Variants in PTPRM observed in about 807,000 individuals in gnomAD.
PTPRM encodes the protein protein tyrosine phosphatase receptor type M.
Under a neutral mutation model 186.7 loss-of-function variants are expected in PTPRM, and 47 were observed. That is an observed-to-expected ratio of 0.25 (90% CI 0.20 to 0.32). The LOEUF (loss-of-function observed/expected upper bound fraction) is 0.32, where lower values mean the gene tolerates loss of function less well. Ranked by LOEUF, PTPRM falls within the 10% of genes least tolerant of loss-of-function variation. The probability of loss-of-function intolerance (pLI) is 1.00; values close to 1 mark genes in which losing one functional copy is unlikely to be tolerated. For missense variants in PTPRM, 1,494 were observed against 1,865.0 expected (o/e 0.80, Z 3.66); for synonymous variants, 668 against 674.9 (o/e 0.99, Z 0.16).
At chr18:7,914,137 C>T (rs375399514) in intron 4 of PTPRM, among the ~76,000 whole-genome samples, 18 of 152,016 alleles carry the variant, frequency 1.2e-4, no homozygotes, top group African/African-American at 2.4e-4. Context: ...GAATTGTTTT[C>T]GGAATTATGT....
chr18:7,946,949 T>C, intron 5 of PTPRM: 1 of 456,266 alleles, frequency 2.2e-6, no homozygotes, highest in Non-Finnish European at 4.4e-6. Flanking sequence ...GGGAGCTGAC[T>C]GCCTATGGGA....
intron 7 of PTPRM, among the ~76,000 whole-genome samples, chr18:7,987,323 G>C (rs1312475225): frequency 6.6e-6 from 1 of 152,214 alleles, no homozygotes; most frequent in African/African-American, 2.4e-5. Context: ...GATGATGTTA[G>C]TGGGTTGAAG....
chr18:7,814,739 C>T (rs2044714806), intron 2 of PTPRM: 2 of 152,208 alleles, frequency 1.3e-5, no homozygotes, highest in South Asian at 2.1e-4. Context: ...GGATTTTCCT[C>T]CTCTAGAATG....
chr18:8,270,037 G>C (rs1403160275), intron 19 of PTPRM: 1 of 151,682 alleles, frequency 6.6e-6, no homozygotes, highest in African/African-American at 2.4e-5. Context: ...TGACATTTTC[G>C]ATATGAAACA....
intron 22 of PTPRM, among the ~76,000 whole-genome samples, chr18:8,341,387 A>G (rs1353923251): frequency 6.6e-6 from 1 of 152,210 alleles, no homozygotes; most frequent in Non-Finnish European, 1.5e-5. Flanking sequence ...AAACAGCAGC[A>G]AACGAAGAAG....
intron 14 of PTPRM, among the ~76,000 whole-genome samples, chr18:8,147,127 T>A (rs1600834067): frequency 6.6e-6 from 1 of 152,338 alleles, no homozygotes; most frequent in Non-Finnish European, 1.5e-5. Flanking sequence ...GTCTTGGCTA[T>A]GTGGGCTCTT....
intron 19 of PTPRM, among the ~76,000 whole-genome samples, chr18:8,292,386 G>A (rs549868694): frequency 1.6e-4 from 24 of 152,230 alleles, no homozygotes; most frequent in African/African-American, 5.1e-4. Flanking sequence ...TTTTCTCTCT[G>A]GGCTCCCATA....
chr18:7,770,708 A>G (rs370278868), intron 1 of PTPRM, among the ~76,000 whole-genome samples: 1 of 152,318 alleles, frequency 6.6e-6, no homozygotes, highest in Non-Finnish European at 1.5e-5. Flanking sequence ...ACATTTTGCT[A>G]TTACCTAAAG....
At chr18:8,021,201 ATG>A (rs1415104143) in intron 7 of PTPRM, among the ~76,000 whole-genome samples, 1 of 152,080 alleles carries the variant, frequency 6.6e-6, no homozygotes, top group Non-Finnish European at 1.5e-5. Flanking sequence ...TGAGCCAGGC[ATG>A]TGTTGATATG....
intron 14 of PTPRM, among the ~76,000 whole-genome samples, chr18:8,214,945 G>A (rs373293582): frequency 3.9e-5 from 6 of 152,308 alleles, no homozygotes; most frequent in Admixed American, 1.3e-4. Flanking sequence ...GAGCCACTGC[G>A]CCTGGCCATC....
Position 8,224,873 on chromosome 18 carries a change from A to G in PTPRM, c.2301-19185A>G, listed in dbSNP as rs1047938357. ...CTAGCACTAGAGGATTAATTGATTC[A>G]ACTTTCTTATTTTGGTAAGAATTTT... On this transcript the variant is annotated intron_variant, in intron 14 of 32. Transcript: ENST00000580170. Among the ~76,000 whole-genome samples, 7 of 152,212 alleles carry G rather than the reference A, an allele frequency of 4.6e-5. No individual in the cohort carries two copies. In the South Asian group the frequency reaches 6.2e-4, roughly 14 times the overall value.
chr18:8,268,339 C>T (rs1436215635), intron 19 of PTPRM, among the ~76,000 whole-genome samples: 1 of 151,968 alleles, frequency 6.6e-6, no homozygotes, highest in Non-Finnish European at 1.5e-5. Context: ...ATTGGATAAC[C>T]TAGAAGAACT....
intron 2 of PTPRM, among the ~76,000 whole-genome samples, chr18:7,849,754 TCTTTA>T (rs1305575162): frequency 6.6e-6 from 1 of 152,214 alleles, no homozygotes; most frequent in Non-Finnish European, 1.5e-5. Flanking sequence ...GTGAGATGTG[TCTTTA>T]CTTAGCAAAG....
At chr18:8,283,227 T>G (rs2094923088) in intron 19 of PTPRM, among the ~76,000 whole-genome samples, 1 of 152,220 alleles carries the variant, frequency 6.6e-6, no homozygotes, top group Non-Finnish European at 1.5e-5. Context: ...TTATGTGAGG[T>G]GTAATCATTG....
At chr18:7,831,779 T>A (rs2045775306) in intron 2 of PTPRM, among the ~76,000 whole-genome samples, 1 of 152,158 alleles carries the variant, frequency 6.6e-6, no homozygotes, top group African/African-American at 2.4e-5. Flanking sequence ...AACCCCGCAT[T>A]ACCCTTCCCA....
chr18:8,077,123 A>C (rs1298257272), intron 9 of PTPRM, among the ~76,000 whole-genome samples: 1 of 152,192 alleles, frequency 6.6e-6, no homozygotes, highest in African/African-American at 2.4e-5. Context: ...TGAATTGTTC[A>C]AGGAAAAAAG....
At chr18:7,981,769 A>G (rs2082564639) in intron 7 of PTPRM, among the ~76,000 whole-genome samples, 1 of 152,226 alleles carries the variant, frequency 6.6e-6, no homozygotes, top group Non-Finnish European at 1.5e-5. Context: ...CCCAGGCTAT[A>G]TGGTATAGCC....
chr18:7,765,616 T>C (rs2041980609), intron 1 of PTPRM, among the ~76,000 whole-genome samples: 2 of 152,290 alleles, frequency 1.3e-5, no homozygotes, highest in South Asian at 4.1e-4. Context: ...CATTGTGTAG[T>C]TTATAGCCAT....
At chr18:7,776,173 A>T (rs2042570400) in intron 2 of PTPRM, among the ~76,000 whole-genome samples, 1 of 152,248 alleles carries the variant, frequency 6.6e-6, no homozygotes. Context: ...CTATTGATTA[A>T]TAGAATACTT....
Sources: allele counts gnomAD v4.1 joint callset (sites outside exome capture counted in the v4.1 genomes callset), GRCh38; gene constraint gnomAD v4.1.1; transcripts MANE v1.5; gene names NCBI Gene and HGNC (gene_info 2026-07-23, HGNC 2026-07-21).